SFRP1: variants seen among roughly 807,000 people sequenced by gnomAD.
The protein encoded by SFRP1 is secreted frizzled-related protein 1.
A neutral mutation model predicts 25.9 loss-of-function variants in SFRP1; 9 were observed. That is an observed-to-expected ratio of 0.35 (90% confidence interval 0.21 to 0.61). The LOEUF is 0.61. Ranked by LOEUF, SFRP1 falls within the 20% of genes least tolerant of loss-of-function variation. SFRP1 has a pLI of 0.78. For synonymous variants in SFRP1, 178 were observed against 174.0 expected, an observed-to-expected ratio of 1.02 and a Z score of -0.18; for missense variants, 346 against 418.2, an observed-to-expected ratio of 0.83 and a Z score of 1.51.
intron 2 of SFRP1, among the ~76,000 whole-genome samples, chr8:41,293,941 T>C (rs1803809432): frequency 6.6e-6 from 1 of 151,736 alleles, no homozygotes; most frequent in Admixed American, 6.6e-5. Flanking sequence ...TTTTTTTTTT[T>C]TTAGAGACAG....
chr8:41,289,252 A>G (rs1324770265), intron 2 of SFRP1, among the ~76,000 whole-genome samples: 2 of 152,178 alleles, frequency 1.3e-5, no homozygotes, highest in African/African-American at 4.8e-5. Flanking sequence ...CTAACTGCAG[A>G]GCTGGAGGAC....
chr8:41,301,003 G>T lies in SFRP1; in HGVS notation c.622+2458C>A, dbSNP rs1487584792. Among the ~76,000 whole-genome samples, 3 of 152,176 alleles carry T rather than the reference G, an allele frequency of 2.0e-5. No individual in the cohort carries two copies. In the East Asian group the frequency reaches 5.8e-4, roughly 29 times the overall value. ...ACAGTGCAGGGCTGGAGACATGAGT[G>T]ACTAAGCAGATCTGCCAAGGGGTTA... On this transcript the variant is annotated intron_variant, in intron 2 of 2. Coordinates refer to ENST00000220772, the MANE Select transcript of SFRP1 (RefSeq NM_003012.5).
At chr8:41,291,373 C>T (rs1406064690) in intron 2 of SFRP1, among the ~76,000 whole-genome samples, 1 of 152,192 alleles carries the variant, frequency 6.6e-6, no homozygotes, top group Non-Finnish European at 1.5e-5. Context: ...ATACTCACCA[C>T]CACACCCTGA....
chr8:41,281,309 T>G (rs1259414213), intron 2 of SFRP1, among the ~76,000 whole-genome samples: 1 of 152,184 alleles, frequency 6.6e-6, no homozygotes, highest in East Asian at 1.9e-4. Flanking sequence ...CTGGGCACAT[T>G]CGGGGGCCAT....
chr8:41,300,785 G>A (rs1803905678), intron 2 of SFRP1, among the ~76,000 whole-genome samples: 1 of 152,188 alleles, frequency 6.6e-6, no homozygotes, highest in Non-Finnish European at 1.5e-5. Flanking sequence ...GCAGAGCCCT[G>A]CAAGCTGATG....
chr8:41,298,843 C>T (rs966307174), intron 2 of SFRP1, among the ~76,000 whole-genome samples: 5 of 152,156 alleles, frequency 3.3e-5, no homozygotes, highest in African/African-American at 1.2e-4. Flanking sequence ...CAACGCAGCA[C>T]CCAAAGAAAT....
At chr8:41,303,678 G>C (rs968062317) in intron 1 of SFRP1, 140 bp from the exon 2 acceptor site, 4 of 657,970 alleles carry the variant, frequency 6.1e-6, no homozygotes, top group African/African-American at 3.7e-5. Context: ...CCTGAGAATT[G>C]AAAACAAGAA....
intron 2 of SFRP1, among the ~76,000 whole-genome samples, chr8:41,280,417 C>T (rs548223172): frequency 2.0e-5 from 3 of 152,328 alleles, no homozygotes; most frequent in Admixed American, 1.3e-4. Flanking sequence ...TTCTGGAATT[C>T]GCACTCCCTG....
rs536802523 is a variant in SFRP1 at position 41,282,383 on chromosome 8, T to C, written c.623-16894A>G. Among the ~76,000 whole-genome samples, 6 of 152,198 alleles carry C rather than the reference T, an allele frequency of 3.9e-5. No individual in the cohort carries two copies. The East Asian group carries it at 1.2e-3, about 29-fold the overall frequency. On this transcript the variant is annotated intron_variant, in intron 2 of 2. Transcript: ENST00000220772. The stretch of plus-strand genomic sequence containing the variant: ...TTTTAACTAGTCGGGCTTGGTCGTG[T>C]GGGCCTGTAGTCCCAGCTACTCAGA...
At chr8:41,265,746 G>A (rs1362176718) in intron 2 of SFRP1, among the ~76,000 whole-genome samples, 4 of 152,020 alleles carry the variant, frequency 2.6e-5, no homozygotes, top group South Asian at 4.1e-4. Context: ...TTACAGTGTC[G>A]GCCATCCTCC....
At chr8:41,300,766 G>A (rs1230665714) in intron 2 of SFRP1, among the ~76,000 whole-genome samples, 1 of 152,160 alleles carries the variant, frequency 6.6e-6, no homozygotes, top group Non-Finnish European at 1.5e-5. Flanking sequence ...AGCAGAGAGA[G>A]AACAAAAAGC....
intron 1 of SFRP1, among the ~76,000 whole-genome samples, chr8:41,304,455 C>G (rs1433457321): frequency 6.6e-6 from 1 of 152,048 alleles, no homozygotes; most frequent in Non-Finnish European, 1.5e-5. Context: ...TGGAGCTTAT[C>G]GACTGTCTAG....
At chr8:41,303,195 A>G (rs1803949911) in intron 2 of SFRP1, among the ~76,000 whole-genome samples, 2 of 151,784 alleles carry the variant, frequency 1.3e-5, no homozygotes, top group African/African-American at 4.8e-5. Context: ...TCCCCAAATC[A>G]GCCTCCCTGC....
At chr8:41,281,277 C>A (rs1045156537) in intron 2 of SFRP1, among the ~76,000 whole-genome samples, 2 of 152,246 alleles carry the variant, frequency 1.3e-5, no homozygotes, top group African/African-American at 2.4e-5. Flanking sequence ...CCTTCACCAG[C>A]AAGCTTTGCC....
At chr8:41,282,821 C>T (rs887560690) in intron 2 of SFRP1, among the ~76,000 whole-genome samples, 1 of 152,016 alleles carries the variant, frequency 6.6e-6, no homozygotes, top group Non-Finnish European at 1.5e-5. Context: ...TTTTATTTTC[C>T]TGGCTTTCTG....
intron 2 of SFRP1, among the ~76,000 whole-genome samples, chr8:41,290,467 G>C (rs1803761763): frequency 6.6e-6 from 1 of 152,356 alleles, no homozygotes; most frequent in South Asian, 2.1e-4. Context: ...GAAAAGTCAG[G>C]ACCATTTATG....
rs564089686 is a variant in SFRP1, at chr8:41,300,650, G to A, written c.622+2811C>T. 1.1e-4 allele frequency among the ~76,000 whole-genome samples: 17 copies of A among 152,340 alleles called. 2 individuals are homozygous for A. The South Asian group carries it at 3.5e-3, about 32-fold the overall frequency. On this transcript the variant is annotated intron_variant, in intron 2 of 2. Transcript: ENST00000220772. ...ACCAACCCAAAGGGAAGACGGCTGT[G>A]GGTACTGAGCTGTTAACAGCAGGAT...
Position 41,309,115 on chromosome 8 carries a change from C to T in SFRP1, c.45G>A (p.Leu15=). The T allele has an allele frequency of 1.4e-6, 2 of 1,474,518 alleles. No individual in the cohort carries two copies. The highest frequency in any genetic ancestry group is 1.8e-6 in the Non-Finnish European group (2 of 1,125,378). 91.3% of individuals were successfully genotyped at this position (1,474,518 alleles called of 1,614,324 possible). ...RSEGGRRGAA[L]GVLLALGAAL... ...CCGCGCCCAGCGCCAGCAGCACGCC[C>T]AGGGCTGCCCCGCGGCGGCCCCCCT... is the stretch of plus-strand genomic sequence containing the variant. The change falls in exon 1 of 3, where the codon CTG becomes CTA. Residue 15 remains leucine (L), a synonymous_variant. Coordinates refer to ENST00000220772, the MANE Select transcript of SFRP1 (RefSeq NM_003012.5).
In SFRP1 at chr8:41,303,464, A is replaced by G; in HGVS notation, c.619T>C (p.Phe207Leu). The change falls in exon 2 of 3, where the codon TTT becomes CTT. Residue 207 changes from phenylalanine (F) to leucine (L), a missense_variant. Transcript: ENST00000220772. The stretch of plus-strand genomic sequence containing the variant: ...GCAGCTAGAAACGCTTTCTTACCAA[A>G]CTCGCTGGCACAGAGATGTTCAATG... ...AIIEHLCASE[F>L]ALRMKIKEVK... 4 of 1,613,410 alleles carry G rather than the reference A, an allele frequency of 2.5e-6. No homozygotes were observed. Among genetic ancestry groups the G allele is most frequent in the Non-Finnish European group, 3.4e-6 (4 of 1,179,572 alleles).
Sources: allele counts gnomAD v4.1 joint callset (sites outside exome capture counted in the v4.1 genomes callset), GRCh38; gene constraint gnomAD v4.1.1; transcripts MANE v1.5; gene names NCBI Gene and HGNC (gene_info 2026-07-23, HGNC 2026-07-21).